Variants in RANBP2 observed in about 807,000 individuals in gnomAD.
RANBP2 encodes E3 SUMO-protein ligase RanBP2.
In RANBP2, 57 loss-of-function variants were observed where a neutral mutation model predicts 303.6. The observed-to-expected ratio is 0.19, with a 90% CI of 0.15 to 0.23. The LOEUF is 0.23. Ranked by LOEUF, RANBP2 falls within the 10% of genes least tolerant of loss-of-function variation. The pLI is 1.00. For missense variants in RANBP2, 3,138 were observed against 3,780.8 expected (o/e 0.83, Z 4.46); for synonymous variants, 1,167 against 1,301.5 (o/e 0.90, Z 2.23).
At chr2:108,813,248 CA>C in the RANBP2 span, among the ~76,000 whole-genome samples, 357 of 63,560 alleles carry the variant, frequency 5.6e-3, 3 homozygotes, top group African/African-American at 0.023. Context: ...GACTCCGTCT[CA>C]AAAAAAAAAA....
chr2:108,778,228 T>G (rs1031591940), intron 25 of RANBP2, among the ~76,000 whole-genome samples: 9 of 152,230 alleles, frequency 5.9e-5, no homozygotes, highest in African/African-American at 1.9e-4. Context: ...TAGGCAGTAC[T>G]CACATATCGG....
At chr2:108,996,793 G>A in the RANBP2 span, among the ~76,000 whole-genome samples, 16 of 152,076 alleles carry the variant, frequency 1.1e-4, no homozygotes, top group Admixed American at 2.6e-4. Context: ...CATCTGATGC[G>A]GGCTAGGTGG....
the RANBP2 span, among the ~76,000 whole-genome samples, chr2:109,639,718 ATT>A: frequency 6.8e-5 from 10 of 146,386 alleles, no homozygotes; most frequent in South Asian, 1.7e-3. Context: ...ACAATACTAG[ATT>A]TTTTTTTTTT....
At chr2:109,717,651 C>T in the RANBP2 span, among the ~76,000 whole-genome samples, 1 of 151,908 alleles carries the variant, frequency 6.6e-6, no homozygotes, top group African/African-American at 2.4e-5. Context: ...CAGTGGCTCA[C>T]ACCTGTAATC....
the RANBP2 span, among the ~76,000 whole-genome samples, chr2:109,372,104 A>C: frequency 6.6e-6 from 1 of 152,220 alleles, no homozygotes. Flanking sequence ...GATTGGAAGG[A>C]ACCGTTGCTG....
chr2:108,835,639 C>A, the RANBP2 span, among the ~76,000 whole-genome samples: 3 of 152,274 alleles, frequency 2.0e-5, no homozygotes, highest in East Asian at 3.9e-4. Flanking sequence ...CATATAATTT[C>A]TCAAACTGTG....
the RANBP2 span, among the ~76,000 whole-genome samples, chr2:109,164,056 C>T: frequency 6.6e-6 from 1 of 152,262 alleles, no homozygotes; most frequent in East Asian, 1.9e-4. Context: ...TATAAATTTG[C>T]TTCTAAGGTG....
the RANBP2 span, among the ~76,000 whole-genome samples, chr2:108,987,762 G>T: frequency 1.3e-5 from 2 of 152,160 alleles, no homozygotes; most frequent in Middle Eastern, 3.2e-3. Flanking sequence ...GCCGTGAAGG[G>T]TACACGTGGA....
At chr2:109,179,141 T>C in the RANBP2 span, among the ~76,000 whole-genome samples, 2 of 151,798 alleles carry the variant, frequency 1.3e-5, no homozygotes, top group African/African-American at 2.4e-5. Flanking sequence ...AGGAAACGAG[T>C]AGGATGTACA....
the RANBP2 span, among the ~76,000 whole-genome samples, chr2:109,131,618 A>G: frequency 6.6e-6 from 1 of 152,034 alleles, no homozygotes; most frequent in African/African-American, 2.4e-5. Context: ...TTAGGAGGTA[A>G]CCTCTGACAT....
chr2:109,667,419 G>C, the RANBP2 span: 1 of 389,356 alleles, frequency 2.6e-6, no homozygotes, highest in Non-Finnish European at 4.7e-6. Context: ...CACGGCACTA[G>C]AACTATAGGT....
the RANBP2 span, chr2:109,419,668 G>A: frequency 6.5e-7 from 1 of 1,549,744 alleles, no homozygotes; most frequent in Non-Finnish European, 8.7e-7. Flanking sequence ...TGTCTGTCGG[G>A]GTCCTGTGCC....
chr2:109,614,970 G>C, the RANBP2 span: 2 of 1,536,638 alleles, frequency 1.3e-6, no homozygotes, highest in Non-Finnish European at 1.7e-6. Flanking sequence ...GCGGCGCGAC[G>C]TGCAGCCCCT....
the RANBP2 span, among the ~76,000 whole-genome samples, chr2:109,056,102 G>A: frequency 2.6e-5 from 4 of 152,038 alleles, no homozygotes; most frequent in Admixed American, 2.6e-4. Flanking sequence ...CTGTTGCTCA[G>A]AATTTACTCA....
At chr2:109,017,025 A>G in the RANBP2 span, among the ~76,000 whole-genome samples, 2 of 152,258 alleles carry the variant, frequency 1.3e-5, no homozygotes, top group Non-Finnish European at 2.9e-5. Flanking sequence ...CCTGCCTCCC[A>G]TGCAAAGCAT....
the RANBP2 span, among the ~76,000 whole-genome samples, chr2:109,078,210 C>T: frequency 1.2e-3 from 44 of 36,620 alleles, 2 homozygotes; most frequent in South Asian, 0.022. Flanking sequence ...ATATATATAG[C>T]GTATATATAT....
the RANBP2 span, among the ~76,000 whole-genome samples, chr2:109,003,811 C>A: frequency 6.6e-6 from 1 of 152,270 alleles, no homozygotes; most frequent in African/African-American, 2.4e-5. Context: ...AATGTGCTAG[C>A]AAGGGACATC....
At chr2:108,788,447 G>A (rs531111177), downstream of RANBP2, among the ~76,000 whole-genome samples, 1 of 151,436 alleles carries the variant, frequency 6.6e-6, no homozygotes, top group East Asian at 2.0e-4. Flanking sequence ...GGCTGCGCGC[G>A]GTGGCTCACG....
the RANBP2 span, among the ~76,000 whole-genome samples, chr2:108,798,926 C>G: frequency 6.6e-6 from 1 of 151,468 alleles, no homozygotes; most frequent in Non-Finnish European, 1.5e-5. Flanking sequence ...TATGTATCTC[C>G]TAAGAATAAA....
Sources: allele counts gnomAD v4.1 joint callset (sites outside exome capture counted in the v4.1 genomes callset), GRCh38; gene constraint gnomAD v4.1.1; transcripts MANE v1.5; gene names NCBI Gene and HGNC (gene_info 2026-07-23, HGNC 2026-07-21).